Variants in KIRREL3 observed in about 807,000 individuals in gnomAD.
KIRREL3 encodes kin of IRRE-like protein 3.
In KIRREL3, 36 loss-of-function variants were observed where a neutral mutation model predicts 89.7. The observed-to-expected ratio is 0.40, with a 90% CI of 0.31 to 0.53. The LOEUF (loss-of-function observed/expected upper bound fraction) is 0.53. Ranked by LOEUF, KIRREL3 falls within the 20% of genes least tolerant of loss-of-function variation. The pLI, the probability that KIRREL3 is intolerant of heterozygous loss-of-function variation, is 0.49. For synonymous variants in KIRREL3, 445 were observed against 441.4 expected (o/e 1.01, Z -0.10); for missense variants, 864 against 1,056.6 (o/e 0.82, Z 2.53).
intron 1 of KIRREL3, among the ~76,000 whole-genome samples, chr11:126,910,722 C>G (rs1218653938): frequency 6.6e-6 from 1 of 152,246 alleles, no homozygotes; most frequent in African/African-American, 2.4e-5. Flanking sequence ...CAAACCCCAA[C>G]AAACTAACCT....
In KIRREL3 at chr11:126,555,127, G is replaced by T. The variant is rs756900236; in HGVS notation, c.133+7708C>A. Among the ~76,000 whole-genome samples, 1 of 152,284 alleles carries T rather than the reference G, an allele frequency of 6.6e-6. No homozygotes were observed. Among genetic ancestry groups the T allele is most frequent in the South Asian group, 2.1e-4 (1 of 4,822 alleles). ...GACACTGGACAAGAAGCTGGGTGCC[G>T]AGAGGGCAGGAGCTTGGACACTGCT... On this transcript the variant is annotated intron_variant, in intron 2 of 16. Transcript: ENST00000525144. This position sits in a 1 kb window ranked among gnomAD's most constrained non-coding sequence, Gnocchi z 4.2.
chr11:126,917,118 C>T lies in KIRREL3; in HGVS notation c.55+83337G>A, dbSNP rs1276183623. On this transcript the variant is annotated intron_variant, in intron 1 of 16. Transcript: ENST00000525144. The surrounding 1 kb of genome is among the most constrained non-coding windows in gnomAD (Gnocchi z 5.0). ...AGTCACACAATGGAATATCATTCAGCCATAAAAAGGAATAACATTCTGATA... is the reference window on the plus strand; with the variant it reads ...AGTCACACAATGGAATATCATTCAGTCATAAAAAGGAATAACATTCTGATA... 1.3e-5 allele frequency among the ~76,000 whole-genome samples: 2 copies of T among 151,994 alleles called. No homozygotes were observed. Among genetic ancestry groups the T allele is most frequent in the Non-Finnish European group, 2.9e-5 (2 of 68,012 alleles).
intron 1 of KIRREL3, among the ~76,000 whole-genome samples, chr11:126,919,708 C>T (rs888869429): frequency 1.3e-5 from 2 of 152,122 alleles, no homozygotes; most frequent in African/African-American, 4.8e-5. Flanking sequence ...GGAGAGAAAC[C>T]CTTTCCCTGA....
chr11:126,843,720 G>A lies in KIRREL3; in HGVS notation c.55+156735C>T, dbSNP rs916918413. On this transcript the variant is annotated intron_variant, in intron 1 of 16. Coordinates refer to ENST00000525144, the MANE Select transcript of KIRREL3 (RefSeq NM_032531.4). This position sits in a 1 kb window ranked among gnomAD's most constrained non-coding sequence, Gnocchi z 4.6. ...AGATAGGAGGTCAGCACAAGATACA[G>A]GTCATGGAGACTTTGCTGATAAAAC... Among the ~76,000 whole-genome samples the A allele has an allele frequency of 8.5e-5, 13 of 152,140 alleles. No homozygotes were observed. The highest frequency in any genetic ancestry group is 3.1e-4 in the African/African-American group (13 of 41,426).
intron 1 of KIRREL3, among the ~76,000 whole-genome samples, chr11:126,716,630 T>C (rs1176776714): frequency 1.3e-5 from 2 of 151,764 alleles, no homozygotes; most frequent in Non-Finnish European, 2.9e-5. Context: ...AACCTGGGCC[T>C]CCAAACACCA....
chr11:126,875,773 C>T (rs1212335042), intron 1 of KIRREL3, among the ~76,000 whole-genome samples: 1 of 152,192 alleles, frequency 6.6e-6, no homozygotes, highest in African/African-American at 2.4e-5. Flanking sequence ...ATGCATTTGT[C>T]TTCATAATAT....
chr11:126,954,027 G>GGTGTGTGTGCACATGC lies in KIRREL3; in HGVS notation c.55+46412_55+46427dup. Among the ~76,000 whole-genome samples, 1 of 152,172 alleles carries GGTGTGTGTGCACATGC rather than the reference G, an allele frequency of 6.6e-6. No individual in the cohort carries two copies. Among genetic ancestry groups the GGTGTGTGTGCACATGC allele is most frequent in the East Asian group, 1.9e-4 (1 of 5,182 alleles). On this transcript the variant is annotated intron_variant, in intron 1 of 16. Coordinates refer to ENST00000525144, the MANE Select transcript of KIRREL3 (RefSeq NM_032531.4). The surrounding 1 kb of genome is among the most constrained non-coding windows in gnomAD (Gnocchi z 4.1). ...GTGAGCCTGTGTGTGTGTGCACAGGGGTGTGTGTGCACATGCGTGTGCATG... is the reference window on the plus strand; with the variant it reads ...GTGAGCCTGTGTGTGTGTGCACAGGGGTGTGTGTGCACATGCGTGTGTGTGCACATGCGTGTGCATG...
At chr11:126,596,248 G>T (rs998276541) in intron 1 of KIRREL3, among the ~76,000 whole-genome samples, 2 of 151,910 alleles carry the variant, frequency 1.3e-5, no homozygotes, top group African/African-American at 2.4e-5. Context: ...GTTCACTGCC[G>T]CATCCTTAGA....
rs746845929 is a variant in KIRREL3 at position 126,628,628 on chromosome 11, T to C, written c.56-65716A>G. Among the ~76,000 whole-genome samples, 2 of 152,238 alleles carry C rather than the reference T, an allele frequency of 1.3e-5. No individual in the cohort carries two copies. Among genetic ancestry groups the C allele is most frequent in the Non-Finnish European group, 2.9e-5 (2 of 68,040 alleles). On this transcript the variant is annotated intron_variant, in intron 1 of 16. Transcript: ENST00000525144. The surrounding 1 kb of genome is among the most constrained non-coding windows in gnomAD (Gnocchi z 5.2). Reference sequence around the variant, plus strand: ...GATCCAGCCCAGTCTCCTTGGGCAGTGTGTATCTGTTTCCTCTTTGTCCCC... The same window carrying C: ...GATCCAGCCCAGTCTCCTTGGGCAGCGTGTATCTGTTTCCTCTTTGTCCCC...
chr11:126,888,103 T>A (rs1945770051), intron 1 of KIRREL3, among the ~76,000 whole-genome samples: 1 of 152,202 alleles, frequency 6.6e-6, no homozygotes. Flanking sequence ...GTGAGAGTAC[T>A]TTGGAATCTG....
At chr11:126,770,002 G>A (rs916052380) in intron 1 of KIRREL3, among the ~76,000 whole-genome samples, 1 of 152,142 alleles carries the variant, frequency 6.6e-6, no homozygotes, top group Non-Finnish European at 1.5e-5. Context: ...GGGCGGATGT[G>A]CAGATCCCAT....
rs1332846482 is a variant in KIRREL3 at position 126,883,967 on chromosome 11, C to T, written c.55+116488G>A. On this transcript the variant is annotated intron_variant, in intron 1 of 16. Coordinates refer to ENST00000525144, the MANE Select transcript of KIRREL3 (RefSeq NM_032531.4). The surrounding 1 kb of genome is among the most constrained non-coding windows in gnomAD (Gnocchi z 4.1). ...TTCTCAAAGACATGAGCCCCCTGTT[C>T]CTGCAGGTATTAAAGTGGAGGGTGA... Among the ~76,000 whole-genome samples, 1 of 152,150 alleles carries T rather than the reference C, an allele frequency of 6.6e-6. No homozygotes were observed.
In KIRREL3 at chr11:126,676,189, G is replaced by C. The variant is rs1000839939; in HGVS notation, c.56-113277C>G. Among the ~76,000 whole-genome samples the C allele has an allele frequency of 6.6e-6, 1 of 152,148 alleles. No individual in the cohort carries two copies. The stretch of plus-strand genomic sequence containing the variant: ...AGACTTCATTAGAGATTACAAGCAG[G>C]GGTGTCATCAGCATCAAGGTGCTAG... On this transcript the variant is annotated intron_variant, in intron 1 of 16. Transcript: ENST00000525144. The surrounding 1 kb of genome is among the most constrained non-coding windows in gnomAD (Gnocchi z 4.5).
chr11:126,527,067 G>C lies in KIRREL3; in HGVS notation c.134-380C>G, dbSNP rs558029404. 6.6e-5 allele frequency among the ~76,000 whole-genome samples: 10 copies of C among 152,394 alleles called. No individual in the cohort carries two copies. The South Asian group carries it at 1.9e-3, about 28-fold the overall frequency. On this transcript the variant is annotated intron_variant, in intron 2 of 16. Coordinates refer to ENST00000525144, the MANE Select transcript of KIRREL3 (RefSeq NM_032531.4). This position sits in a 1 kb window ranked among gnomAD's most constrained non-coding sequence, Gnocchi z 4.2. ...CACACCAGGGCAGAAACAGGAGAGAGAGAGAGAGACCTCTAGCTAGAAACA... is the reference window on the plus strand; with the variant it reads ...CACACCAGGGCAGAAACAGGAGAGACAGAGAGAGACCTCTAGCTAGAAACA...
chr11:126,522,884 C>T lies in KIRREL3; in HGVS notation c.284-1420G>A, dbSNP rs1958640447. On this transcript the variant is annotated intron_variant, in intron 3 of 16. Transcript: ENST00000525144. This position sits in a 1 kb window ranked among gnomAD's most constrained non-coding sequence, Gnocchi z 6.0. ...GCTGCTCCTCCTTTTGAAGGACCCT[C>T]ACCACACAGGGAGTGTTCTCAGACG... Among the ~76,000 whole-genome samples, 1 of 152,230 alleles carries T rather than the reference C, an allele frequency of 6.6e-6. No individual in the cohort carries two copies. The highest frequency in any genetic ancestry group is 2.1e-4 in the South Asian group (1 of 4,824).
intron 1 of KIRREL3, among the ~76,000 whole-genome samples, chr11:126,825,065 TG>T (rs1357838818): frequency 6.6e-6 from 1 of 152,210 alleles, no homozygotes; most frequent in Non-Finnish European, 1.5e-5. Context: ...CTTAGTGATT[TG>T]GGGGTCCTGA....
chr11:126,654,670 C>A (rs1232871564), intron 1 of KIRREL3, among the ~76,000 whole-genome samples: 1 of 152,174 alleles, frequency 6.6e-6, no homozygotes, highest in Non-Finnish European at 1.5e-5. Context: ...ACATCCTGAG[C>A]CCTCTCCACA....
intron 4 of KIRREL3, among the ~76,000 whole-genome samples, chr11:126,503,378 C>T (rs1169466592): frequency 6.6e-6 from 1 of 152,086 alleles, no homozygotes; most frequent in Non-Finnish European, 1.5e-5. Context: ...CATCTGCTCT[C>T]TCCCCTAGAT....
intron 1 of KIRREL3, among the ~76,000 whole-genome samples, chr11:126,972,966 C>T (rs1009062773): frequency 3.3e-5 from 5 of 151,972 alleles, no homozygotes; most frequent in Non-Finnish European, 7.4e-5. Flanking sequence ...TTCTACTCAC[C>T]CTTTCACTCA....
Sources: gnomAD v4.1 joint callset for allele counts (sites outside exome capture counted in the v4.1 genomes callset) on GRCh38, gnomAD v4.1.1 for gene constraint, Gnocchi (gnomAD v3.1) non-coding constraint, MANE v1.5 for transcripts, NCBI Gene and HGNC (gene_info 2026-07-23, HGNC 2026-07-21) for gene names.